Variants in PLXDC2 observed in about 807,000 individuals in gnomAD.
PLXDC2 encodes plexin domain containing 2, also known as plexin domain-containing protein 2.
In PLXDC2, 40 loss-of-function variants were observed where a neutral mutation model predicts 68.9. The ratio of observed to expected loss-of-function variants is 0.58; its 90% CI spans 0.45 to 0.76. PLXDC2 has a LOEUF of 0.76. PLXDC2 is among the 30% of genes least tolerant of loss of function. PLXDC2 has a pLI of 0.00. For missense variants in PLXDC2, 644 were observed against 661.9 expected, an observed-to-expected ratio of 0.97 and a Z score of 0.30; for synonymous variants, 243 against 234.2, an observed-to-expected ratio of 1.04 and a Z score of -0.34.
At chr10:19,828,766 A>G (rs149783122) in intron 1 of PLXDC2, among the ~76,000 whole-genome samples, 38 of 150,170 alleles carry the variant, frequency 2.5e-4, no homozygotes, top group African/African-American at 9.0e-4. Flanking sequence ...TAAGAAGCTG[A>G]TTTTTTTTTT....
At chr10:19,904,587 C>T (rs1838210488) in intron 1 of PLXDC2, among the ~76,000 whole-genome samples, 1 of 152,160 alleles carries the variant, frequency 6.6e-6, no homozygotes, top group Admixed American at 6.5e-5. Flanking sequence ...AGCAAGCAGA[C>T]TCATAGTTTT....
intron 9 of PLXDC2, among the ~76,000 whole-genome samples, chr10:20,195,207 A>G (rs1488911319): frequency 1.3e-5 from 2 of 152,094 alleles, no homozygotes; most frequent in African/African-American, 4.8e-5. Flanking sequence ...CTCACAGCCA[A>G]GTCTATCTCT....
At chr10:20,160,482 C>G (rs898172816) in intron 6 of PLXDC2, among the ~76,000 whole-genome samples, 1 of 151,942 alleles carries the variant, frequency 6.6e-6, no homozygotes, top group African/African-American at 2.4e-5. Context: ...CTTGTTGAAG[C>G]TTGGAAAAGT....
chr10:20,245,050 G>T (rs1041693631), intron 12 of PLXDC2, among the ~76,000 whole-genome samples: 1 of 152,180 alleles, frequency 6.6e-6, no homozygotes, highest in Non-Finnish European at 1.5e-5. Context: ...GGAGGCAGAG[G>T]TTGCAGTGAG....
rs527887600 is a variant in PLXDC2 at position 20,247,930 on chromosome 10, G to T, written c.1473+2425G>T. ...ACGCATTGCCTTGAATTGGAAATCT[G>T]TTATTAAGTTCTGTTAATGTGCTTC... On this transcript the variant is annotated intron_variant, in intron 13 of 13. Transcript: ENST00000377252. Among the ~76,000 whole-genome samples, 66 of 152,280 alleles carry T rather than the reference G, an allele frequency of 4.3e-4. No individual in the cohort carries two copies. In the Middle Eastern group the frequency reaches 0.01, roughly 24 times the overall value.
At chr10:20,239,491 G>A (rs556473891) in intron 12 of PLXDC2, among the ~76,000 whole-genome samples, 69 of 152,202 alleles carry the variant, frequency 4.5e-4, no homozygotes, top group East Asian at 2.7e-3. Context: ...TTCACAAGGC[G>A]GCAGGACAGA....
chr10:20,260,789 T>C (rs989547879), intron 13 of PLXDC2, among the ~76,000 whole-genome samples: 1 of 152,228 alleles, frequency 6.6e-6, no homozygotes, highest in Non-Finnish European at 1.5e-5. Context: ...CCATAACAGC[T>C]GTACCAGTTT....
chr10:19,893,681 A>C (rs190262984), intron 1 of PLXDC2, among the ~76,000 whole-genome samples: 2 of 152,374 alleles, frequency 1.3e-5, no homozygotes, highest in East Asian at 3.9e-4. Flanking sequence ...TGTGTATGTA[A>C]TAAATAATTG....
intron 9 of PLXDC2, among the ~76,000 whole-genome samples, chr10:20,204,316 C>T (rs2131850659): frequency 6.6e-6 from 1 of 152,208 alleles, no homozygotes; most frequent in African/African-American, 2.4e-5. Context: ...TTTCCCATAT[C>T]TTACAGCTCT....
At chr10:20,116,192 T>C (rs1324037069) in intron 4 of PLXDC2, among the ~76,000 whole-genome samples, 1 of 152,186 alleles carries the variant, frequency 6.6e-6, no homozygotes, top group African/African-American at 2.4e-5. Flanking sequence ...AGATCATAGC[T>C]TTGCCCCCAA....
chr10:20,140,397 T>C (rs1050313878), intron 4 of PLXDC2, among the ~76,000 whole-genome samples: 4 of 94,910 alleles, frequency 4.2e-5, no homozygotes, highest in African/African-American at 1.7e-4. Flanking sequence ...CATATATATA[T>C]ATATAAAATA....
chr10:20,247,242 T>C (rs1049676931), intron 13 of PLXDC2, among the ~76,000 whole-genome samples: 1 of 151,214 alleles, frequency 6.6e-6, no homozygotes, highest in Non-Finnish European at 1.5e-5. Flanking sequence ...GACAGATTGC[T>C]TGAGCCCAGG....
chr10:20,075,346 G>C (rs998708805), intron 4 of PLXDC2, among the ~76,000 whole-genome samples: 4 of 151,992 alleles, frequency 2.6e-5, no homozygotes, highest in African/African-American at 7.2e-5. Context: ...GCACCACCAT[G>C]CCTGGCCAAT....
chr10:20,206,849 AAC>A lies in PLXDC2; in HGVS notation c.1062-4796_1062-4795del, dbSNP rs375925753. 7.2e-4 allele frequency among the ~76,000 whole-genome samples: 108 copies of A among 149,490 alleles called. 1 individual carries two copies. Among genetic ancestry groups the A allele is most frequent in the South Asian group, 2.8e-3 (13 of 4,716 alleles). ...TATGGTTAATGTCATTGTGCTTTGA[AAC>A]ACACACACACACACACACACACAGA... On this transcript the variant is annotated intron_variant, in intron 9 of 13. Transcript: ENST00000377252.
chr10:20,015,671 G>C (rs973942645), intron 2 of PLXDC2, among the ~76,000 whole-genome samples: 29 of 151,982 alleles, frequency 1.9e-4, no homozygotes, highest in African/African-American at 6.8e-4. Flanking sequence ...AATGAAAAGA[G>C]ACCAAGTATA....
chr10:20,073,629 G>A (rs184808875), intron 4 of PLXDC2, among the ~76,000 whole-genome samples: 32 of 152,200 alleles, frequency 2.1e-4, no homozygotes, highest in African/African-American at 7.2e-4. Context: ...CTGGTTCACT[G>A]ATAGTGGAAT....
chr10:20,262,132 A>G (rs1490682926), intron 13 of PLXDC2, among the ~76,000 whole-genome samples: 1 of 152,134 alleles, frequency 6.6e-6, no homozygotes, highest in Non-Finnish European at 1.5e-5. Context: ...CCTGGGAGCA[A>G]CCAGAGCCAG....
chr10:20,206,964 G>A (rs11011869), intron 9 of PLXDC2, among the ~76,000 whole-genome samples: 36,530 of 151,998 alleles, frequency 0.24, 5,755 homozygotes, highest in Middle Eastern at 0.36. Flanking sequence ...TAATATCAAG[G>A]TGTCTTTTCC....
chr10:20,028,168 G>A (rs891035663), intron 2 of PLXDC2, among the ~76,000 whole-genome samples: 1 of 152,056 alleles, frequency 6.6e-6, no homozygotes, highest in Non-Finnish European at 1.5e-5. Flanking sequence ...TTAATTCAGC[G>A]GTTCTCAGAC....
Sources: allele counts gnomAD v4.1 joint callset (sites outside exome capture counted in the v4.1 genomes callset), GRCh38; gene constraint gnomAD v4.1.1; transcripts MANE v1.5; gene names NCBI Gene and HGNC (gene_info 2026-07-23, HGNC 2026-07-21).